Variants in KCNT1 observed in about 807,000 individuals in gnomAD.
KCNT1 encodes the protein potassium sodium-activated channel subfamily T member 1.
Under a neutral mutation model 147.8 loss-of-function variants are expected in KCNT1, and 78 were observed. The observed-to-expected ratio is 0.53, with a 90% confidence interval of 0.44 to 0.64. KCNT1 has a LOEUF of 0.64. KCNT1 is among the 30% of genes least tolerant of loss of function. KCNT1 has a pLI of 0.00. For missense variants in KCNT1, 1,419 were observed against 1,750.3 expected (o/e 0.81, Z 3.38); for synonymous variants, 867 against 748.8 (o/e 1.16, Z -2.58).
At chr9:135,788,211 ACCCTTCACCGCCGG>A in intron 29 of KCNT1, 1 of 1,480,108 alleles carries the variant, frequency 6.8e-7, no homozygotes, top group Non-Finnish European at 9.4e-7. Context: ...GGGCTCGCCA[ACCCTTCACCGCCGG>A]CAGCCTTGCT....
intron 2 of KCNT1, among the ~76,000 whole-genome samples, chr9:135,739,110 G>A (rs946363890): frequency 1.3e-5 from 2 of 152,034 alleles, no homozygotes; most frequent in African/African-American, 4.8e-5. Flanking sequence ...ATCCTCTCCG[G>A]GGCCGTTCCC....
chr9:135,785,658 C>T (rs1238010879), intron 28 of KCNT1: 7 of 553,046 alleles, frequency 1.3e-5, no homozygotes, highest in East Asian at 1.3e-4. Context: ...CCCCCAGCCT[C>T]CCAGGCCTTT....
At chr9:135,718,034 C>A (rs1835786180) in intron 2 of KCNT1, among the ~76,000 whole-genome samples, 1 of 152,222 alleles carries the variant, frequency 6.6e-6, no homozygotes, top group Non-Finnish European at 1.5e-5. Context: ...GGACCCCAGC[C>A]CTGGCTCTGT....
At chr9:135,731,798 C>T (rs540164790) in intron 2 of KCNT1, among the ~76,000 whole-genome samples, 1 of 151,656 alleles carries the variant, frequency 6.6e-6, no homozygotes, top group Non-Finnish European at 1.5e-5. Context: ...CTCACTGGTT[C>T]TGTCTTGTGC....
At chr9:135,731,991 T>TATATAG (rs1276318460) in intron 2 of KCNT1, among the ~76,000 whole-genome samples, 28 of 21,728 alleles carry the variant, frequency 1.3e-3, no homozygotes, top group East Asian at 2.3e-3. Context: ...TATATATATA[T>TATATAG]AGAGAGAGAG....
At chr9:135,710,030 G>C (rs924813563) in intron 1 of KCNT1, among the ~76,000 whole-genome samples, 14 of 152,178 alleles carry the variant, frequency 9.2e-5, no homozygotes, top group Admixed American at 7.9e-4. Context: ...TAGGCACCAG[G>C]CTGTGTTCTG....
At chr9:135,713,289 C>A (rs530576175) in intron 1 of KCNT1, among the ~76,000 whole-genome samples, 2 of 152,400 alleles carry the variant, frequency 1.3e-5, no homozygotes, top group African/African-American at 2.4e-5. Context: ...TGCAGCTACG[C>A]TGATGCAGTT....
chr9:135,732,036 A>AGAGAGAGAGAGAGAGGGAGAGAGAGAGG (rs1471974281), intron 2 of KCNT1, among the ~76,000 whole-genome samples: 3 of 137,258 alleles, frequency 2.2e-5, no homozygotes, highest in Admixed American at 7.3e-5. Flanking sequence ...AGAGAGAGAG[A>AGAGAGAGAGAGAGAGGGAGAGAGAGAGG]GAGAGGGAGT....
In KCNT1 at chr9:135,777,419, G is replaced by A. The variant is rs748756591; in HGVS notation, c.2431G>A (p.Gly811Ser). 1.4e-5 allele frequency: 22 copies of A among 1,613,422 alleles called. No individual in the cohort carries two copies. Among genetic ancestry groups the A allele is most frequent in the Middle Eastern group, 1.6e-4 (1 of 6,082 alleles). The part of the protein sequence containing the change: ...KLIIVSAETA[G>S]NGLYNFIVPL... Reference sequence around the variant, plus strand: ...GATCATCGTCTCGGCAGAGACGGCCGGCAATGGGCTGTACAACTTCATCGT... The same window carrying A: ...GATCATCGTCTCGGCAGAGACGGCCAGCAATGGGCTGTACAACTTCATCGT... Residue 811 changes from glycine to serine, a missense_variant, in exon 21 of 31, where the codon GGC becomes AGC. Gly to Ser is a moderately conservative substitution (Grantham distance 56). Coordinates refer to ENST00000371757, the MANE Select transcript of KCNT1 (RefSeq NM_020822.3).
rs1833639415 is a variant in KCNT1, at chr9:135,781,931, T to C, written c.2842-2093T>C. Among the ~76,000 whole-genome samples, 3 of 152,100 alleles carry C rather than the reference T, an allele frequency of 2.0e-5. No homozygotes were observed. In the South Asian group the frequency reaches 6.2e-4, roughly 32 times the overall value. ...GTCCCCATCTATACAAAAAATTTAA[T>C]GGCTGGGGGCGGTGGCTCATGCCTG... On this transcript the variant is annotated intron_variant, in intron 24 of 30. Transcript: ENST00000371757.
At chr9:135,711,118 C>T (rs1185587719) in intron 1 of KCNT1, among the ~76,000 whole-genome samples, 8 of 152,252 alleles carry the variant, frequency 5.3e-5, no homozygotes. Context: ...ACAGAGCCCC[C>T]TTCATGACTC....
intron 2 of KCNT1, among the ~76,000 whole-genome samples, chr9:135,741,594 G>A (rs886477482): frequency 3.2e-4 from 48 of 152,338 alleles, no homozygotes; most frequent in African/African-American, 1.1e-3. Flanking sequence ...ACCATGCCCA[G>A]CCAGGACCTC....
intron 1 of KCNT1, among the ~76,000 whole-genome samples, chr9:135,703,324 G>C (rs889498362): frequency 3.3e-5 from 5 of 152,200 alleles, no homozygotes; most frequent in Admixed American, 2.0e-4. Flanking sequence ...ACCTGAGAGC[G>C]GGAGGCCTGG....
intron 29 of KCNT1, chr9:135,791,579 C>T (rs1194367437): frequency 3.6e-6 from 2 of 552,852 alleles, no homozygotes; most frequent in Non-Finnish European, 6.5e-6. Flanking sequence ...TGGCTCCCAG[C>T]TGCCCTCCTG....
intron 29 of KCNT1, 62 bp downstream of exon 29, chr9:135,786,583 C>A: frequency 6.9e-7 from 1 of 1,447,672 alleles, no homozygotes; most frequent in South Asian, 1.3e-5. Context: ...CGGGCCACAG[C>A]CAAGAACAGT....
At chr9:135,750,198 G>T in intron 3 of KCNT1, 21 bp downstream of exon 3, 1 of 1,594,802 alleles carries the variant, frequency 6.3e-7, no homozygotes, top group Non-Finnish European at 8.6e-7. Flanking sequence ...TGCCTGGAGG[G>T]CCACTCCCAG....
At chr9:135,733,117 G>C (rs1830172755) in intron 2 of KCNT1, among the ~76,000 whole-genome samples, 1 of 151,900 alleles carries the variant, frequency 6.6e-6, no homozygotes, top group Admixed American at 6.6e-5. Context: ...TGTCGGCTCT[G>C]AGTCATTCAT....
At chr9:135,710,304 G>A (rs964778117) in intron 1 of KCNT1, among the ~76,000 whole-genome samples, 4 of 152,190 alleles carry the variant, frequency 2.6e-5, no homozygotes, top group African/African-American at 9.7e-5. Context: ...TCCAACAGAA[G>A]ACACTGCATA....
At chr9:135,725,755 C>T (rs1380190349) in intron 2 of KCNT1, among the ~76,000 whole-genome samples, 1 of 152,242 alleles carries the variant, frequency 6.6e-6, no homozygotes, top group Non-Finnish European at 1.5e-5. Context: ...TTGGGACCCT[C>T]AGCCGGGTCC....
Sources: allele counts gnomAD v4.1 joint callset (sites outside exome capture counted in the v4.1 genomes callset), GRCh38; gene constraint gnomAD v4.1.1; transcripts MANE v1.5; gene names NCBI Gene and HGNC (gene_info 2026-07-23, HGNC 2026-07-21).